RGL1: variants seen among roughly 807,000 people sequenced by gnomAD.
RGL1 encodes ral guanine nucleotide dissociation stimulator-like 1.
Under a neutral mutation model 95.2 loss-of-function variants are expected in RGL1, and 24 were observed. The ratio of observed to expected loss-of-function variants is 0.25; its 90% confidence interval spans 0.18 to 0.35. The LOEUF (loss-of-function observed/expected upper bound fraction) is 0.35, where lower values mean the gene tolerates loss of function less well. Ranked by LOEUF, RGL1 falls within the 10% of genes least tolerant of loss-of-function variation. The pLI is 1.00. For synonymous variants in RGL1, 329 were observed against 344.9 expected, an observed-to-expected ratio of 0.95 and a Z score of 0.51; for missense variants, 715 against 936.3, an observed-to-expected ratio of 0.76 and a Z score of 3.08.
chr1:183,900,023 A>G (rs1055716108), intron 10 of RGL1, 127 bp from the exon 11 acceptor site: 2 of 606,930 alleles, frequency 3.3e-6, no homozygotes, highest in South Asian at 2.2e-5. Context: ...AATGTTATTC[A>G]TGGAGGTTAG....
At chr1:183,703,391 T>A (rs890781763) in intron 1 of RGL1, among the ~76,000 whole-genome samples, 1 of 152,162 alleles carries the variant, frequency 6.6e-6, no homozygotes, top group African/African-American at 2.4e-5. Flanking sequence ...TTTTATTAGC[T>A]TTTATTATTA....
chr1:183,811,154 G>A (rs1661686390), intron 2 of RGL1, among the ~76,000 whole-genome samples: 1 of 152,264 alleles, frequency 6.6e-6, no homozygotes, highest in East Asian at 1.9e-4. Flanking sequence ...AATCAATTAG[G>A]TAATGATTAT....
At chr1:183,690,553 T>G (rs1169756447) in intron 1 of RGL1, among the ~76,000 whole-genome samples, 3 of 152,184 alleles carry the variant, frequency 2.0e-5, no homozygotes, top group Non-Finnish European at 4.4e-5. Flanking sequence ...GCTGTATCTT[T>G]AGCTGATTGT....
chr1:183,852,317 T>C (rs1312676929), intron 3 of RGL1, among the ~76,000 whole-genome samples: 1 of 152,212 alleles, frequency 6.6e-6, no homozygotes, highest in Non-Finnish European at 1.5e-5. Context: ...TGAATTCACG[T>C]ATAGCTAATT....
intron 9 of RGL1, among the ~76,000 whole-genome samples, chr1:183,895,754 G>C (rs1040871208): frequency 7.2e-5 from 11 of 152,158 alleles, no homozygotes; most frequent in African/African-American, 2.7e-4. Flanking sequence ...GATGTGGCAG[G>C]TAAGTGGATT....
chr1:183,718,593 A>G (rs527660615), intron 1 of RGL1, among the ~76,000 whole-genome samples: 4 of 152,274 alleles, frequency 2.6e-5, no homozygotes, highest in African/African-American at 4.8e-5. Context: ...TGGATCCACT[A>G]CTACTGGTCG....
intron 7 of RGL1, among the ~76,000 whole-genome samples, chr1:183,887,175 T>TTC (rs1558272497): frequency 6.9e-4 from 1 of 1,454 alleles, no homozygotes. Flanking sequence ...TCCCTCCCTC[T>TTC]TTTCCTCCCT....
At chr1:183,893,951 C>G (rs941075314) in intron 9 of RGL1, among the ~76,000 whole-genome samples, 1 of 152,184 alleles carries the variant, frequency 6.6e-6, no homozygotes, top group Non-Finnish European at 1.5e-5. Flanking sequence ...TAACAATATG[C>G]CCACTATTAG....
chr1:183,670,567 C>T (rs1652371988), intron 1 of RGL1, among the ~76,000 whole-genome samples: 2 of 152,178 alleles, frequency 1.3e-5, no homozygotes, highest in South Asian at 4.1e-4. Context: ...TCAGGTTTTC[C>T]TATCCTAGCA....
At chr1:183,678,453 T>C (rs1652980510) in intron 1 of RGL1, among the ~76,000 whole-genome samples, 1 of 152,232 alleles carries the variant, frequency 6.6e-6, no homozygotes, top group Admixed American at 6.5e-5. Flanking sequence ...ATTACTAACA[T>C]AGTCTATTAC....
At chr1:183,761,152 T>C (rs1295890553) in intron 2 of RGL1, among the ~76,000 whole-genome samples, 1 of 152,238 alleles carries the variant, frequency 6.6e-6, no homozygotes, top group African/African-American at 2.4e-5. Context: ...ATGAATGTTC[T>C]TAATGACATC....
rs566005120 is a variant in RGL1, at chr1:183,796,164, ATT to A, written c.133-10193_133-10192del. ...CAATGAGGAAGGTGTTTGTATTCCTATTTTTTTTTTTTTTTTTTTGAGATGGA... is the reference window on the plus strand; with the variant it reads ...CAATGAGGAAGGTGTTTGTATTCCTATTTTTTTTTTTTTTTTTGAGATGGA... On this transcript the variant is annotated intron_variant, in intron 2 of 18. Coordinates refer to the RGL1 transcript ENST00000304685. Among the ~76,000 whole-genome samples the A allele has an allele frequency of 1.8e-3, 235 of 128,042 alleles. 1 individual carries two copies. Among genetic ancestry groups the A allele is most frequent in the African/African-American group, 6.0e-3 (208 of 34,550 alleles). The allele number at this position is 128,042 out of a possible 152,430, so 84.0% of individuals were successfully genotyped here.
Position 183,723,051 on chromosome 1 carries a change from G to C in RGL1, c.-32-19075G>C, listed in dbSNP as rs146152085. Among the ~76,000 whole-genome samples the C allele has an allele frequency of 2.9e-3, 438 of 152,238 alleles. 4 individuals are homozygous for C. The highest frequency in any genetic ancestry group is 0.01 in the African/African-American group (422 of 41,524). On this transcript the variant is annotated intron_variant, in intron 1 of 18. Transcript: ENST00000304685. ...GACAACAATAGCACAAAGGGCATTG[G>C]GGGGGAAATGGAAGCACACCAATGC...
chr1:183,639,737 C>T (rs182759218), intron 1 of RGL1, among the ~76,000 whole-genome samples: 2 of 150,556 alleles, frequency 1.3e-5, no homozygotes, highest in East Asian at 3.9e-4. Flanking sequence ...TCTCTAAATA[C>T]GTTGAATTTA....
chr1:183,823,327 T>A (rs531850399), intron 2 of RGL1, among the ~76,000 whole-genome samples: 128 of 152,278 alleles, frequency 8.4e-4, no homozygotes, highest in African/African-American at 3.0e-3. Context: ...AAACCTGTGC[T>A]TGCAAGTTTC....
At chr1:183,913,295 A>G (rs2102735152) in intron 15 of RGL1, among the ~76,000 whole-genome samples, 1 of 137,936 alleles carries the variant, frequency 7.2e-6, no homozygotes, top group Non-Finnish European at 1.5e-5. Flanking sequence ...TTCTGGGTTC[A>G]GGGGATTCTC....
rs1379225202 is a variant in RGL1 at position 183,858,682 on chromosome 1, AT to A, written c.348-7306del. Among the ~76,000 whole-genome samples the A allele has an allele frequency of 3.3e-5, 5 of 152,002 alleles. No individual in the cohort carries two copies. The South Asian group carries it at 6.3e-4, about 19-fold the overall frequency. On this transcript the variant is annotated intron_variant, in intron 3 of 17. Transcript: ENST00000360851. The stretch of plus-strand genomic sequence containing the variant: ...CATATCGCTATTCTCTTATCTGAAA[AT>A]TTTTTTTACATTTATTTTTTGTGAA...
intron 7 of RGL1, 145 bp downstream of exon 7, chr1:183,885,083 A>C: frequency 1.4e-6 from 1 of 713,542 alleles, no homozygotes; most frequent in Non-Finnish European, 2.3e-6. Flanking sequence ...TTGTTCTTCC[A>C]GAGTAAGAAA....
At chr1:183,858,164 A>G (rs752812046) in intron 3 of RGL1, among the ~76,000 whole-genome samples, 8 of 152,188 alleles carry the variant, frequency 5.3e-5, no homozygotes, top group Non-Finnish European at 1.2e-4. Flanking sequence ...AGAAACTGAA[A>G]TGTAATGGGT....
Sources: gnomAD v4.1 joint callset for allele counts (sites outside exome capture counted in the v4.1 genomes callset) on GRCh38, gnomAD v4.1.1 for gene constraint, MANE v1.5 for transcripts, NCBI Gene and HGNC (gene_info 2026-07-23, HGNC 2026-07-21) for gene names.